ERBB4: variants seen among roughly 807,000 people sequenced by gnomAD.
ERBB4 encodes the protein receptor tyrosine-protein kinase erbB-4.
ERBB4 carries 42 observed loss-of-function variants against 158.0 expected under a neutral mutation model. The ratio of observed to expected loss-of-function variants is 0.27; its 90% CI spans 0.21 to 0.34. ERBB4 has a LOEUF of 0.34. Ranked by LOEUF, ERBB4 falls within the 10% of genes least tolerant of loss-of-function variation. The pLI, the probability that ERBB4 is intolerant of heterozygous loss-of-function variation, is 1.00. For missense variants in ERBB4, 1,333 were observed against 1,624.1 expected (o/e 0.82, Z 3.08); for synonymous variants, 583 against 558.7 (o/e 1.04, Z -0.61).
intron 1 of ERBB4, among the ~76,000 whole-genome samples, chr2:212,505,459 G>A (rs1353200193): frequency 8.1e-6 from 1 of 124,220 alleles, no homozygotes; most frequent in Non-Finnish European, 2.0e-5. Flanking sequence ...GAGGTCATAT[G>A]TGTAAAAACT....
intron 3 of ERBB4, among the ~76,000 whole-genome samples, chr2:211,944,372 AATT>A (rs1455833887): frequency 6.6e-6 from 1 of 151,152 alleles, no homozygotes; most frequent in African/African-American, 2.4e-5. Context: ...ATTCATCACG[AATT>A]ATTATTGTCT....
chr2:211,587,312 G>A lies in ERBB4; in HGVS notation c.2302-25224C>T, dbSNP rs148526902. The stretch of plus-strand genomic sequence containing the variant: ...AGAGGCTGCAGTGAGCCAAGATCAC[G>A]CCACTGCACTGTAGCCTAGGCAACA... On this transcript the variant is annotated intron_variant, in intron 19 of 27. Transcript: ENST00000342788. Among the ~76,000 whole-genome samples the A allele has an allele frequency of 5.1e-3, 781 of 152,130 alleles. 7 individuals are homozygous for A. The highest frequency in any genetic ancestry group is 0.018 in the African/African-American group (742 of 41,490).
intron 2 of ERBB4, among the ~76,000 whole-genome samples, chr2:212,066,995 TTTTTATAATAGCTTTTATA>T (rs1267245610): frequency 6.6e-6 from 1 of 151,996 alleles, no homozygotes; most frequent in Non-Finnish European, 1.5e-5. Context: ...AGAATTATGG[TTTTTATAATAGCTTTTATA>T]TTTGAAACAT....
At chr2:211,824,818 A>G (rs1446566904) in intron 3 of ERBB4, among the ~76,000 whole-genome samples, 2 of 151,698 alleles carry the variant, frequency 1.3e-5, no homozygotes, top group East Asian at 3.9e-4. Flanking sequence ...TGAAAAAAAT[A>G]TGTTTGTTTT....
intron 19 of ERBB4, among the ~76,000 whole-genome samples, chr2:211,580,202 G>A (rs2068024605): frequency 6.6e-6 from 1 of 152,124 alleles, no homozygotes; most frequent in Non-Finnish European, 1.5e-5. Context: ...GAAAAACACA[G>A]TTGAAACCCA....
At chr2:211,899,411 T>A (rs2079177481) in intron 3 of ERBB4, among the ~76,000 whole-genome samples, 1 of 152,164 alleles carries the variant, frequency 6.6e-6, no homozygotes, top group Admixed American at 6.5e-5. Flanking sequence ...GCAATTCATC[T>A]ACCAGTAACA....
chr2:212,181,398 C>G (rs1179816811), intron 1 of ERBB4, among the ~76,000 whole-genome samples: 1 of 151,426 alleles, frequency 6.6e-6, no homozygotes, highest in African/African-American at 2.4e-5. Flanking sequence ...GATTGGTTGC[C>G]ACACCACAGA....
At chr2:211,535,585 G>A (rs28666719) in intron 20 of ERBB4, 142 of 90,862 alleles carry the variant, frequency 1.6e-3, no homozygotes, top group Admixed American at 4.0e-3. Context: ...GAGAGAGAGA[G>A]TGTATGTGTG....
At chr2:212,518,646 A>G (rs1054130704) in intron 1 of ERBB4, among the ~76,000 whole-genome samples, 14 of 152,054 alleles carry the variant, frequency 9.2e-5, no homozygotes, top group Admixed American at 6.6e-4. Flanking sequence ...GCGAAGATCA[A>G]TCTTGACAAT....
intron 2 of ERBB4, among the ~76,000 whole-genome samples, chr2:211,956,872 T>C (rs1347321407): frequency 6.6e-6 from 1 of 152,096 alleles, no homozygotes; most frequent in Non-Finnish European, 1.5e-5. Flanking sequence ...TCTTGCTCTG[T>C]TGCCCAGGCT....
At chr2:212,512,075 T>C (rs1375462775) in intron 1 of ERBB4, among the ~76,000 whole-genome samples, 1 of 152,112 alleles carries the variant, frequency 6.6e-6, no homozygotes, top group African/African-American at 2.4e-5. Context: ...GCATGAGAAA[T>C]GAAATGACGA....
intron 1 of ERBB4, among the ~76,000 whole-genome samples, chr2:212,421,986 G>A (rs1489985260): frequency 5.3e-5 from 8 of 152,176 alleles, no homozygotes; most frequent in African/African-American, 1.9e-4. Context: ...GCAGAAAAGA[G>A]TTATTACTTC....
intron 20 of ERBB4, among the ~76,000 whole-genome samples, chr2:211,432,011 A>AAAAG (rs1366551492): frequency 6.6e-6 from 1 of 152,196 alleles, no homozygotes; most frequent in Non-Finnish European, 1.5e-5. Flanking sequence ...TATGTTTAAC[A>AAAAG]AAAGAACTTA....
intron 3 of ERBB4, among the ~76,000 whole-genome samples, chr2:211,830,592 CTAAAA>C (rs1234503987): frequency 6.6e-5 from 10 of 151,852 alleles, no homozygotes; most frequent in African/African-American, 2.4e-4. Context: ...ATTAGCATAA[CTAAAA>C]TAAATTAACG....
intron 3 of ERBB4, among the ~76,000 whole-genome samples, chr2:211,827,665 T>C (rs2077133159): frequency 1.3e-5 from 2 of 152,078 alleles, no homozygotes. Flanking sequence ...TTGTTCAATT[T>C]AGTTGGAAAG....
At chr2:211,827,237 A>T (rs887097738) in intron 3 of ERBB4, among the ~76,000 whole-genome samples, 1 of 152,026 alleles carries the variant, frequency 6.6e-6, no homozygotes, top group African/African-American at 2.4e-5. Flanking sequence ...TGATTTACTC[A>T]TTCATTCATT....
At chr2:211,556,575 A>G (rs1391680471) in intron 20 of ERBB4, among the ~76,000 whole-genome samples, 2 of 152,146 alleles carry the variant, frequency 1.3e-5, no homozygotes, top group African/African-American at 2.4e-5. Context: ...GGTACAGAAT[A>G]TACATCCACC....
At chr2:211,961,001 G>A (rs2081166510) in intron 2 of ERBB4, among the ~76,000 whole-genome samples, 1 of 151,996 alleles carries the variant, frequency 6.6e-6, no homozygotes, top group African/African-American at 2.4e-5. Flanking sequence ...CTGAGCATAA[G>A]CTATATAATA....
intron 4 of ERBB4, among the ~76,000 whole-genome samples, chr2:211,776,165 G>T (rs534464919): frequency 2.0e-5 from 3 of 152,246 alleles, no homozygotes; most frequent in Admixed American, 6.5e-5. Context: ...GGGTATTAAA[G>T]CCACTTTGTA....
Sources: gnomAD v4.1 joint callset for allele counts (sites outside exome capture counted in the v4.1 genomes callset) on GRCh38, gnomAD v4.1.1 for gene constraint, MANE v1.5 for transcripts, NCBI Gene and HGNC (gene_info 2026-07-23, HGNC 2026-07-21) for gene names.